ASXL3: variants seen among roughly 807,000 people sequenced by gnomAD.
ASXL3 encodes putative Polycomb group protein ASXL3.
Under a neutral mutation model 170.6 loss-of-function variants are expected in ASXL3, and 34 were observed. The ratio of observed to expected loss-of-function variants is 0.20; its 90% CI spans 0.15 to 0.27. The LOEUF (loss-of-function observed/expected upper bound fraction) is 0.27. Ranked by LOEUF, ASXL3 falls within the 10% of genes least tolerant of loss-of-function variation. ASXL3 has a pLI of 1.00. For synonymous variants in ASXL3, 1,002 were observed against 989.1 expected (o/e 1.01, Z -0.24); for missense variants, 2,592 against 2,695.3 (o/e 0.96, Z 0.85).
At chr18:33,732,964 A>G (rs1599555681) in intron 9 of ASXL3, among the ~76,000 whole-genome samples, 2 of 151,788 alleles carry the variant, frequency 1.3e-5, no homozygotes, top group Non-Finnish European at 2.9e-5. Context: ...TTTTCACCCC[A>G]TCCGACTTGA....
rs1487508501 is a variant in ASXL3 at position 33,747,131 on chromosome 18, TA to T, written c.*537del. The T allele has an allele frequency of 6.6e-6, 1 of 152,376 alleles. No individual in the cohort carries two copies. The highest frequency in any genetic ancestry group is 2.4e-5 in the African/African-American group (1 of 41,460). 9.4% of individuals were successfully genotyped at this position (152,376 alleles called of 1,614,324 possible). ...TTGTATTTGCTCCTATCACAAAAGA[TA>T]TATTAAAGGAGGTATGCCATTAATG... On this transcript the variant is annotated 3_prime_UTR_variant, in exon 12 of 12. Transcript: ENST00000269197.
intron 8 of ASXL3, among the ~76,000 whole-genome samples, chr18:33,703,127 A>G (rs1335561634): frequency 1.3e-5 from 2 of 152,088 alleles, no homozygotes; most frequent in African/African-American, 4.8e-5. Context: ...TTTACTTTTT[A>G]GCTTGTTACA....
intron 8 of ASXL3, among the ~76,000 whole-genome samples, chr18:33,698,458 A>G (rs1055488021): frequency 4.6e-5 from 7 of 152,130 alleles, no homozygotes; most frequent in Admixed American, 1.3e-4. Context: ...CATTTGAGAA[A>G]TCTGTGTGGA....
intron 9 of ASXL3, among the ~76,000 whole-genome samples, chr18:33,733,847 C>G (rs1442997682): frequency 6.6e-6 from 1 of 152,106 alleles, no homozygotes; most frequent in African/African-American, 2.4e-5. Context: ...AGAATCAGCT[C>G]CTATATGTGG....
intron 8 of ASXL3, 119 bp from the exon 9 acceptor site, chr18:33,731,849 C>G: frequency 3.1e-6 from 2 of 655,066 alleles, no homozygotes; most frequent in Non-Finnish European, 5.3e-6. Flanking sequence ...GTCTCCTTCC[C>G]CCTTCCTCCT....
chr18:33,651,971 T>TCACAC (rs2066005917), intron 4 of ASXL3, among the ~76,000 whole-genome samples: 1 of 152,120 alleles, frequency 6.6e-6, no homozygotes, highest in Non-Finnish European at 1.5e-5. Flanking sequence ...TGGTTATGTG[T>TCACAC]TTCTTTGACT....
chr18:33,739,827 C>G lies in ASXL3; in HGVS notation c.2423C>G (p.Pro808Arg), dbSNP rs1331410879. ...TSQQKNLSNT[P>R]EPIIMSSSSI... ...CAGCAGAAGAATCTGTCTAATACTC[C>G]CGAACCCATCATAATGAGTTCTTCT... The change falls in exon 11 of 12, where the codon CCC becomes CGC. Residue 808 changes from proline to arginine, a missense_variant. By Grantham distance (103) the Pro-to-Arg change is moderately radical. Transcript: ENST00000269197. The G allele has an allele frequency of 6.2e-7, 1 of 1,613,902 alleles. No homozygotes were observed. The highest frequency in any genetic ancestry group is 1.7e-5 in the Admixed American group (1 of 60,004).
At chr18:33,670,883 A>C in intron 6 of ASXL3, 93 bp downstream of exon 6, 1 of 741,506 alleles carries the variant, frequency 1.3e-6, no homozygotes, top group Non-Finnish European at 2.1e-6. Flanking sequence ...TCTGAAACTG[A>C]ATAATACTTC....
chr18:33,678,926 A>G (rs1450042335), intron 7 of ASXL3, among the ~76,000 whole-genome samples: 1 of 152,226 alleles, frequency 6.6e-6, no homozygotes, highest in East Asian at 1.9e-4. Context: ...TCTTTGAAAT[A>G]GATCTTCTTT....
intron 1 of ASXL3, among the ~76,000 whole-genome samples, chr18:33,583,358 T>G (rs1391143278): frequency 5.9e-5 from 9 of 152,208 alleles, no homozygotes. Context: ...AATATAGTTT[T>G]GCAAATGTAG....
At chr18:33,706,057 G>A (rs1251182024) in intron 8 of ASXL3, among the ~76,000 whole-genome samples, 1 of 149,514 alleles carries the variant, frequency 6.7e-6, no homozygotes, top group Non-Finnish European at 1.5e-5. Context: ...TCTCATTGCT[G>A]TGTAGTATTT....
chr18:33,678,496 G>A (rs1023053892), intron 7 of ASXL3, among the ~76,000 whole-genome samples: 5 of 152,138 alleles, frequency 3.3e-5, no homozygotes, highest in African/African-American at 1.2e-4. Flanking sequence ...ACAAATTGTG[G>A]TCTTCAAATT....
chr18:33,679,455 GTCTC>G (rs1282226566), intron 7 of ASXL3, among the ~76,000 whole-genome samples: 1 of 152,038 alleles, frequency 6.6e-6, no homozygotes, highest in African/African-American at 2.4e-5. Context: ...GGCTAATACA[GTCTC>G]TCTCATATTG....
chr18:33,640,740 A>G (rs1005545208), intron 2 of ASXL3, among the ~76,000 whole-genome samples: 12 of 152,160 alleles, frequency 7.9e-5, no homozygotes, highest in African/African-American at 2.6e-4. Flanking sequence ...TGCTTGAAAG[A>G]AGCATTATTA....
At position 33,646,327 on chromosome 18, in the gene ASXL3, C is replaced by T. The variant is rs1363220622; in HGVS notation, c.329C>T (p.Ala110Val). 1.2e-6 allele frequency: 2 copies of T among 1,609,528 alleles called. No homozygotes were observed. The highest frequency in any genetic ancestry group is 3.4e-5 in the Admixed American group (2 of 59,624). Reference protein sequence around the residue: ...SELDGTDMAEANAHGEENGVC... With the variant: ...SELDGTDMAEVNAHGEENGVC... Reference sequence around the variant, plus strand: ...TTGGATGGTACAGATATGGCCGAGGCAAATGCCCATGGAGAAGAAAATGGA... The same window carrying T: ...TTGGATGGTACAGATATGGCCGAGGTAAATGCCCATGGAGAAGAAAATGGA... Residue 110 changes from alanine (A) to valine (V), a missense_variant, in exon 4 of 12, where the codon GCA (alanine) becomes GTA (valine). Transcript: ENST00000269197.
Position 33,739,999 on chromosome 18 carries a change from T to C in ASXL3, c.2595T>C (p.Asn865=), listed in dbSNP as rs2067629274. The C allele has an allele frequency of 6.2e-7, 1 of 1,613,748 alleles. No homozygotes were observed. Among genetic ancestry groups the C allele is most frequent in the Non-Finnish European group, 8.5e-7 (1 of 1,179,856 alleles). The change falls in exon 11 of 12, where the codon AAT becomes AAC. Residue 865 remains asparagine (N), a synonymous_variant. Coordinates refer to ENST00000269197, the MANE Select transcript of ASXL3 (RefSeq NM_030632.3). ...LASTEMIKVK[N]HSVLQRTEKK... is the part of the protein sequence containing the mutation. ...CTACTGAAATGATAAAAGTTAAAAA[T>C]CATAGCGTCCTGCAAAGAACAGAAA...
chr18:33,708,357 G>T (rs2066999247), intron 8 of ASXL3, among the ~76,000 whole-genome samples: 1 of 152,088 alleles, frequency 6.6e-6, no homozygotes, highest in Non-Finnish European at 1.5e-5. Context: ...CAGCTCTATT[G>T]ATGTAAAATA....
intron 8 of ASXL3, among the ~76,000 whole-genome samples, chr18:33,716,790 T>C (rs941863321): frequency 6.6e-6 from 1 of 152,072 alleles, no homozygotes; most frequent in Non-Finnish European, 1.5e-5. Flanking sequence ...CAATGAACTG[T>C]ATACTGTCTT....
At position 33,751,190 on chromosome 18, in the gene ASXL3, A is replaced by G. The variant is rs977523649; in HGVS notation, c.*4595A>G. The G allele has an allele frequency of 9.8e-5, 15 of 152,290 alleles. No homozygotes were observed. The highest frequency in any genetic ancestry group is 3.4e-4 in the African/African-American group (14 of 41,582). 9.4% of individuals were successfully genotyped at this position (152,290 alleles called of 1,614,324 possible). On this transcript the variant is annotated 3_prime_UTR_variant, in exon 12 of 12. Coordinates refer to ENST00000269197, the MANE Select transcript of ASXL3 (RefSeq NM_030632.3). ...TCTGGAGAAAATAAAGAAATTAAAC[A>G]TGAAATAATTGTCATTTTTAATTTT...
Sources: gnomAD v4.1 joint callset for allele counts (sites outside exome capture counted in the v4.1 genomes callset) on GRCh38, gnomAD v4.1.1 for gene constraint, MANE v1.5 for transcripts, NCBI Gene and HGNC (gene_info 2026-07-23, HGNC 2026-07-21) for gene names.